Variants in DDX1 observed in about 807,000 individuals in gnomAD.
DDX1 encodes the protein DEAD-box helicase 1, also known as ATP-dependent RNA helicase DDX1.
In DDX1, 28 loss-of-function variants were observed where a neutral mutation model predicts 108.7. The ratio of observed to expected loss-of-function variants is 0.26; its 90% CI spans 0.19 to 0.35. DDX1 has a LOEUF of 0.35. Among genes scored for constraint, DDX1 ranks in the 10% least tolerant of loss-of-function variants. DDX1 has a pLI of 1.00. For missense variants in DDX1, 710 were observed against 884.5 expected (o/e 0.80, Z 2.50); for synonymous variants, 295 against 288.9 (o/e 1.02, Z -0.21).
chr2:15,599,160 A>AT lies in DDX1; in HGVS notation c.260-504dup, dbSNP rs1181838222. ...GTGATGATTATCTTCAACATGTCTG[A>AT]TTTTTCAGTTGCGTTTTTGCTTTTA... is the stretch of plus-strand genomic sequence containing the variant. On this transcript the variant is annotated intron_variant, in intron 5 of 25. Coordinates refer to ENST00000233084, the MANE Select transcript of DDX1 (RefSeq NM_004939.3). The AT allele has an allele frequency of 2.6e-5, 4 of 152,154 alleles. No homozygotes were observed. In the East Asian group the frequency reaches 7.7e-4, roughly 29 times the overall value. 9.4% of individuals were successfully genotyped at this position (152,154 alleles called of 1,614,324 possible).
chr2:15,611,517 A>AC (rs537084520), intron 13 of DDX1, among the ~76,000 whole-genome samples: 14,992 of 126,454 alleles, frequency 0.12, 960 homozygotes, highest in East Asian at 0.39. Flanking sequence ...CAGGGGGCTG[A>AC]CCCCCCCACC....
At chr2:15,608,172 A>AT (rs749771352) in intron 13 of DDX1, among the ~76,000 whole-genome samples, 3 of 151,952 alleles carry the variant, frequency 2.0e-5, no homozygotes, top group East Asian at 3.9e-4. Flanking sequence ...ATTTTTGTTA[A>AT]TTTTGTCTTT....
rs139081442 is a variant in DDX1, at chr2:15,599,849, T to C, written c.307+133T>C. 208 of 604,848 alleles carry C rather than the reference T, an allele frequency of 3.4e-4. No homozygotes were observed. In the East Asian group the frequency reaches 6.3e-3, roughly 18 times the overall value. The allele number at this position is 604,848 out of a possible 1,614,324, so 37.5% of individuals were successfully genotyped here. ...GAATTTAGTCACTATCATTAAACAGTATAGAACTGACATAGGAATAGACAG... is the reference window on the plus strand; with the variant it reads ...GAATTTAGTCACTATCATTAAACAGCATAGAACTGACATAGGAATAGACAG... On this transcript the variant is annotated intron_variant, in intron 6 of 25. Transcript: ENST00000233084.
intron 20 of DDX1, among the ~76,000 whole-genome samples, 168 bp from the exon 21 acceptor site, chr2:15,628,277 G>A (rs989653695): frequency 1.3e-5 from 2 of 152,164 alleles, no homozygotes; most frequent in Non-Finnish European, 2.9e-5. Flanking sequence ...AGCAGATCAT[G>A]ACATAAAACT....
rs1665976121 is a variant in DDX1, at chr2:15,620,259, G to A, written c.1258G>A (p.Glu420Lys). 1.2e-6 allele frequency: 2 copies of A among 1,613,920 alleles called. No homozygotes were observed. The highest frequency in any genetic ancestry group is 8.5e-7 in the Non-Finnish European group (1 of 1,179,986). ...LHSFDVKKLS[E>K]KIMHFPTWVD... ...TTCTTTCGATGTAAAGAAACTGTCCGAGAAGATAATGCATTTTCCTACATG... is the reference window on the plus strand; with the variant it reads ...TTCTTTCGATGTAAAGAAACTGTCCAAGAAGATAATGCATTTTCCTACATG... The change falls in exon 17 of 26, where the codon GAG becomes AAG. Residue 420 changes from glutamate (E) to lysine (K), a missense_variant. Around this residue, in one of 3 missense-constraint regions of DDX1, gnomAD observed 661 missense variants for 810.2 expected, o/e 0.82. Transcript: ENST00000233084.
chr2:15,604,398 T>C lies in DDX1; in HGVS notation c.553-39T>C. On this transcript the variant is annotated intron_variant, in intron 9 of 25. Transcript: ENST00000233084. ...TATATTTTAACTTTATTTAAGAATTTACTTTCTATTAATAGCATTTGACTT... is the reference window on the plus strand; with the variant it reads ...TATATTTTAACTTTATTTAAGAATTCACTTTCTATTAATAGCATTTGACTT... The C allele has an allele frequency of 2.3e-6, 3 of 1,300,450 alleles. No homozygotes were observed. In the African/African-American group the frequency reaches 4.4e-5, roughly 19 times the overall value. The allele number at this position is 1,300,450 out of a possible 1,614,324, so 80.6% of individuals were successfully genotyped here. A position where few individuals can be genotyped will look rare whatever the true frequency, so the allele number is the denominator to read the frequency against.
intron 3 of DDX1, 105 bp from the exon 4 acceptor site, chr2:15,596,629 A>G (rs1265830700): frequency 1.0e-6 from 1 of 972,556 alleles, no homozygotes; most frequent in East Asian, 2.4e-5. Context: ...TGTGAAAATA[A>G]AGGTAGCCAG....
chr2:15,595,035 A>G, intron 1 of DDX1, 110 bp from the exon 2 acceptor site: 1 of 780,764 alleles, frequency 1.3e-6, no homozygotes, highest in Non-Finnish European at 2.0e-6. Flanking sequence ...ATTTGATGTA[A>G]CTGAGCTATC....
intron 23 of DDX1, 112 bp downstream of exon 23, chr2:15,628,951 A>G: frequency 1.0e-6 from 1 of 966,920 alleles, no homozygotes; most frequent in Non-Finnish European, 1.6e-6. Flanking sequence ...CGTATGGAAT[A>G]CAAATGAACT....
At chr2:15,593,392 G>T (rs1665449589) in intron 1 of DDX1, among the ~76,000 whole-genome samples, 1 of 152,162 alleles carries the variant, frequency 6.6e-6, no homozygotes, top group Non-Finnish European at 1.5e-5. Flanking sequence ...AATGTTAGAG[G>T]TAAAGGACTG....
chr2:15,613,173 G>A, intron 13 of DDX1, 51 bp from the exon 14 acceptor site: 1 of 1,246,606 alleles, frequency 8.0e-7, no homozygotes, highest in Non-Finnish European at 1.1e-6. Flanking sequence ...ACAATGTAAA[G>A]CAGACTTTAA....
At position 15,611,573 on chromosome 2, in the gene DDX1, G is replaced by C. The variant is rs1383905757; in HGVS notation, c.957-1651G>C. On this transcript the variant is annotated intron_variant, in intron 13 of 25. Transcript: ENST00000233084. ...TGGCCGGGCGGGGGGCTGACCCCCC[G>C]ACCTCCCTCCCGGACGGGGCGGCTG... Among the ~76,000 whole-genome samples the C allele has an allele frequency of 2.5e-3, 156 of 61,882 alleles. 1 individual carries two copies. The highest frequency in any genetic ancestry group is 3.5e-3 in the African/African-American group (38 of 10,964). The allele number at this position is 61,882 out of a possible 152,430, so 40.6% of individuals were successfully genotyped here.
At chr2:15,627,336 CT>C in intron 20 of DDX1, 191 bp downstream of exon 20, 1 of 447,826 alleles carries the variant, frequency 2.2e-6, no homozygotes, top group Admixed American at 4.0e-5. Flanking sequence ...ATTATACATT[CT>C]CTATCAGCAT....
chr2:15,617,960 A>G (rs1665927978), intron 15 of DDX1, among the ~76,000 whole-genome samples: 1 of 152,304 alleles, frequency 6.6e-6, no homozygotes, highest in East Asian at 1.9e-4. Flanking sequence ...TGGATTGCTT[A>G]TTGTCACTTT....
chr2:15,619,387 C>T (rs1011029303), intron 16 of DDX1, among the ~76,000 whole-genome samples: 10 of 152,258 alleles, frequency 6.6e-5, no homozygotes, highest in African/African-American at 2.2e-4. Context: ...TGCCCAGCTT[C>T]GCGAAGGTTG....
chr2:15,622,963 AGAGTG>A (rs1666036141), intron 18 of DDX1, among the ~76,000 whole-genome samples: 1 of 152,190 alleles, frequency 6.6e-6, no homozygotes, highest in Non-Finnish European at 1.5e-5. Context: ...TTTACTGCGT[AGAGTG>A]AAGTATGAAC....
At chr2:15,603,006 T>TG (rs1357671949) in intron 7 of DDX1, among the ~76,000 whole-genome samples, 186 bp from the exon 8 acceptor site, 2 of 152,212 alleles carry the variant, frequency 1.3e-5, no homozygotes, top group African/African-American at 4.8e-5. Flanking sequence ...CCACTATGCC[T>TG]GGCCCATGAG....
rs148306980 is a variant in DDX1, at chr2:15,613,265, T to A, written c.998T>A (p.Leu333His). ...IIGGVAARDQ[L>H]SVLENGVDIV... ...GGAGGTGTTGCAGCCCGGGATCAGC[T>A]CTCTGTTTTGGAAAATGGAGTAAGT... Residue 333 changes from leucine (L) to histidine (H), a missense_variant, in exon 14 of 26, where the codon CTC (leucine) becomes CAC (histidine). Physicochemically the swap from Leu to His is moderately conservative, Grantham distance 99. Coordinates refer to ENST00000233084, the MANE Select transcript of DDX1 (RefSeq NM_004939.3). 2 of 1,607,468 alleles carry A rather than the reference T, an allele frequency of 1.2e-6. No individual in the cohort carries two copies. The highest frequency in any genetic ancestry group is 1.7e-6 in the Non-Finnish European group (2 of 1,177,396).
intron 19 of DDX1, among the ~76,000 whole-genome samples, 171 bp downstream of exon 19, chr2:15,623,753 CAAG>C (rs1666048305): frequency 6.6e-6 from 1 of 152,010 alleles, no homozygotes; most frequent in Non-Finnish European, 1.5e-5. Context: ...CTAGGAAAAA[CAAG>C]AGAGAATTTT....
Sources: allele counts gnomAD v4.1 joint callset (sites outside exome capture counted in the v4.1 genomes callset), GRCh38; gene constraint gnomAD v4.1.1; regional missense constraint gnomAD v4.1.1; transcripts MANE v1.5; gene names NCBI Gene and HGNC (gene_info 2026-07-23, HGNC 2026-07-21).